HEMK2: variants seen among roughly 807,000 people sequenced by gnomAD.
HEMK2 encodes HemK methyltransferase 2, ETF1 glutamine and histone H4 lysine.
the HEMK2 span, among the ~76,000 whole-genome samples, chr21:28,625,506 C>T: frequency 7.9e-5 from 12 of 151,974 alleles, no homozygotes; most frequent in Non-Finnish European, 1.5e-4. Flanking sequence ...GATCACTTGA[C>T]ATCAGGAGTT....
chr21:28,733,729 T>G, the HEMK2 span, among the ~76,000 whole-genome samples: 3 of 149,874 alleles, frequency 2.0e-5, no homozygotes, highest in African/African-American at 4.9e-5. Flanking sequence ...AGCCACTGGT[T>G]TTTTTTTTTT....
the HEMK2 span, among the ~76,000 whole-genome samples, chr21:28,582,386 C>T: frequency 1.3e-5 from 2 of 152,084 alleles, no homozygotes; most frequent in Admixed American, 1.3e-4. Flanking sequence ...GATTTGATGT[C>T]ATGTTGTCAC....
At chr21:28,864,889 T>TAGAC in the HEMK2 span, among the ~76,000 whole-genome samples, 2 of 95,470 alleles carry the variant, frequency 2.1e-5, no homozygotes, top group South Asian at 7.2e-4. Flanking sequence ...TAGATATAGA[T>TAGAC]GATAGATAGA....
At chr21:28,713,513 C>T in the HEMK2 span, among the ~76,000 whole-genome samples, 1 of 152,118 alleles carries the variant, frequency 6.6e-6, no homozygotes, top group African/African-American at 2.4e-5. Flanking sequence ...ACCTGTGATC[C>T]CCAACTGGGG....
At chr21:28,588,021 C>T in the HEMK2 span, among the ~76,000 whole-genome samples, 1 of 152,158 alleles carries the variant, frequency 6.6e-6, no homozygotes, top group African/African-American at 2.4e-5. Context: ...CTATTAAATG[C>T]AGGGGTGTTC....
chr21:28,582,017 T>G, the HEMK2 span, among the ~76,000 whole-genome samples: 1 of 152,208 alleles, frequency 6.6e-6, no homozygotes, highest in Non-Finnish European at 1.5e-5. Context: ...TAGTCTAATT[T>G]TTATGCTTTT....
the HEMK2 span, among the ~76,000 whole-genome samples, chr21:28,732,389 C>G: frequency 6.6e-6 from 1 of 152,224 alleles, no homozygotes; most frequent in Non-Finnish European, 1.5e-5. Flanking sequence ...AGCAGAAGCA[C>G]ACATGGTCTA....
chr21:28,712,482 T>C, the HEMK2 span, among the ~76,000 whole-genome samples: 3 of 152,184 alleles, frequency 2.0e-5, no homozygotes, highest in Non-Finnish European at 2.9e-5. Context: ...CAGAAACAAT[T>C]TGACAGGGAT....
chr21:28,644,090 A>T, the HEMK2 span, among the ~76,000 whole-genome samples: 2 of 152,308 alleles, frequency 1.3e-5, no homozygotes, highest in Non-Finnish European at 2.9e-5. Flanking sequence ...TACTATAAGG[A>T]AATACCCAAG....
chr21:28,614,509 A>C, the HEMK2 span, among the ~76,000 whole-genome samples: 1 of 152,184 alleles, frequency 6.6e-6, no homozygotes, highest in Non-Finnish European at 1.5e-5. Context: ...CAGAGTGAAA[A>C]ATATGATCAA....
chr21:28,809,453 G>A, the HEMK2 span, among the ~76,000 whole-genome samples: 2 of 152,146 alleles, frequency 1.3e-5, no homozygotes, highest in Non-Finnish European at 2.9e-5. Context: ...AAGAAAGGTT[G>A]AGCTCTGAGA....
At chr21:28,604,161 T>C in the HEMK2 span, among the ~76,000 whole-genome samples, 1 of 152,214 alleles carries the variant, frequency 6.6e-6, no homozygotes, top group East Asian at 1.9e-4. Context: ...AATCGGTGTT[T>C]AGACCCTCAG....
At chr21:28,613,307 T>C in the HEMK2 span, among the ~76,000 whole-genome samples, 18 of 152,158 alleles carry the variant, frequency 1.2e-4, no homozygotes, top group Non-Finnish European at 2.2e-4. Flanking sequence ...ATTTTGACTC[T>C]AGAATCAAGA....
the HEMK2 span, among the ~76,000 whole-genome samples, chr21:28,770,769 C>T: frequency 6.6e-6 from 1 of 152,214 alleles, no homozygotes; most frequent in Admixed American, 6.5e-5. Flanking sequence ...TTTCTAGCCT[C>T]CAGAACCATG....
At chr21:28,623,018 A>T in the HEMK2 span, among the ~76,000 whole-genome samples, 1 of 152,194 alleles carries the variant, frequency 6.6e-6, no homozygotes, top group Non-Finnish European at 1.5e-5. Flanking sequence ...TCTACACAGC[A>T]AAAGAAACTA....
chr21:28,657,999 G>A, the HEMK2 span, among the ~76,000 whole-genome samples: 1 of 151,994 alleles, frequency 6.6e-6, no homozygotes, highest in Non-Finnish European at 1.5e-5. Flanking sequence ...TTCTTGAATG[G>A]TAGTTCTGTG....
chr21:28,616,701 A>G, the HEMK2 span, among the ~76,000 whole-genome samples: 3 of 152,202 alleles, frequency 2.0e-5, no homozygotes, highest in South Asian at 2.1e-4. Context: ...AGTCATTTAA[A>G]TATTTTCCAG....
chr21:28,627,495 G>A, the HEMK2 span, among the ~76,000 whole-genome samples: 1 of 152,122 alleles, frequency 6.6e-6, no homozygotes, highest in Non-Finnish European at 1.5e-5. Flanking sequence ...ATATCCTGAT[G>A]AGTAAGATGA....
At chr21:28,620,655 C>CTTTTTTTTTTTT in the HEMK2 span, among the ~76,000 whole-genome samples, 5 of 65,536 alleles carry the variant, frequency 7.6e-5, no homozygotes, top group East Asian at 9.6e-4. Flanking sequence ...ATTCTTCTCT[C>CTTTTTTTTTTTT]TTTTCTTTTT....
Sources: gnomAD v4.1 joint callset for allele counts (sites outside exome capture counted in the v4.1 genomes callset) on GRCh38, gnomAD v4.1.1 for gene constraint, MANE v1.5 for transcripts, NCBI Gene and HGNC (gene_info 2026-07-23, HGNC 2026-07-21) for gene names.